The following MYRIP variants were observed in gnomAD, a reference collection of about 807,000 sequenced individuals.
MYRIP encodes the protein myosin VIIA and Rab interacting protein.
Under a neutral mutation model 98.0 loss-of-function variants are expected in MYRIP, and 49 were observed. That is an observed-to-expected ratio of 0.50 (90% CI 0.40 to 0.63). The LOEUF (loss-of-function observed/expected upper bound fraction) is 0.63, where lower values mean the gene tolerates loss of function less well. Among genes scored for constraint, MYRIP ranks in the 30% least tolerant of loss-of-function variants. MYRIP has a pLI of 0.00. For synonymous variants in MYRIP, 404 were observed against 409.5 expected (o/e 0.99, Z 0.16); for missense variants, 1,004 against 1,058.2 (o/e 0.95, Z 0.71).
At chr3:39,918,050 C>A (rs1329380262) in intron 2 of MYRIP, among the ~76,000 whole-genome samples, 1 of 152,016 alleles carries the variant, frequency 6.6e-6, no homozygotes, top group Non-Finnish European at 1.5e-5. Flanking sequence ...CCTCAGCCTC[C>A]GGAGTAGCTG....
At chr3:39,848,119 G>C (rs950700321) in intron 1 of MYRIP, among the ~76,000 whole-genome samples, 1 of 152,224 alleles carries the variant, frequency 6.6e-6, no homozygotes, top group Non-Finnish European at 1.5e-5. Context: ...ACGCCAGACT[G>C]TGAGTCCCAG....
Position 39,866,322 on chromosome 3 carries a change from C to T in MYRIP, c.-30-34465C>T, listed in dbSNP as rs373386849. Among the ~76,000 whole-genome samples, 20 of 152,080 alleles carry T rather than the reference C, an allele frequency of 1.3e-4. No homozygotes were observed. In the East Asian group the frequency reaches 3.3e-3, roughly 25 times the overall value. ...TGTATAACAAACCTACATATATACC[C>T]CTGAACCTAAAATAAAAGTTAAAAA... On this transcript the variant is annotated intron_variant, in intron 1 of 16. Coordinates refer to ENST00000302541, the MANE Select transcript of MYRIP (RefSeq NM_015460.4).
chr3:40,156,184 G>A (rs1380872652), intron 4 of MYRIP, among the ~76,000 whole-genome samples: 1 of 151,708 alleles, frequency 6.6e-6, no homozygotes. Flanking sequence ...GTGTAAGGAA[G>A]GGATCCAGTT....
At chr3:40,246,699 C>A (rs73071706) in intron 13 of MYRIP, among the ~76,000 whole-genome samples, 48,588 of 151,940 alleles carry the variant, frequency 0.32, 8,301 homozygotes, top group East Asian at 0.59. Context: ...AAACTTCTCC[C>A]TTTTGGCATA....
chr3:40,148,685 A>G (rs978205820), intron 3 of MYRIP, among the ~76,000 whole-genome samples: 1 of 152,178 alleles, frequency 6.6e-6, no homozygotes, highest in African/African-American at 2.4e-5. Flanking sequence ...ATTACTTTCA[A>G]TATCCTGAGT....
intron 2 of MYRIP, among the ~76,000 whole-genome samples, chr3:39,967,732 C>A (rs938268264): frequency 1.3e-5 from 2 of 152,162 alleles, no homozygotes; most frequent in Non-Finnish European, 2.9e-5. Flanking sequence ...TCCCTGCAAC[C>A]TTGCCAGCAT....
chr3:39,863,325 T>G (rs1160080372), intron 1 of MYRIP, among the ~76,000 whole-genome samples: 1 of 149,634 alleles, frequency 6.7e-6, no homozygotes, highest in Non-Finnish European at 1.5e-5. Flanking sequence ...TAAAGGAATT[T>G]GAGATATGAA....
chr3:39,893,988 AAT>A (rs1943547090), intron 1 of MYRIP, among the ~76,000 whole-genome samples: 1 of 152,142 alleles, frequency 6.6e-6, no homozygotes, highest in Admixed American at 6.5e-5. Flanking sequence ...TTATTCAAAT[AAT>A]GTTTATTTTA....
intron 2 of MYRIP, among the ~76,000 whole-genome samples, chr3:40,034,453 C>T (rs2125822119): frequency 6.6e-6 from 1 of 152,052 alleles, no homozygotes; most frequent in African/African-American, 2.4e-5. Flanking sequence ...ATTTATGCAG[C>T]CAAAAGACAC....
At chr3:40,038,275 T>C (rs1947428381) in intron 2 of MYRIP, among the ~76,000 whole-genome samples, 1 of 152,140 alleles carries the variant, frequency 6.6e-6, no homozygotes, top group Non-Finnish European at 1.5e-5. Flanking sequence ...GAGAGTTTTA[T>C]AGCCTTAAAT....
chr3:40,065,890 G>T (rs1049485758), intron 3 of MYRIP, among the ~76,000 whole-genome samples: 1 of 152,144 alleles, frequency 6.6e-6, no homozygotes, highest in African/African-American at 2.4e-5. Context: ...CAAATGTGGA[G>T]TTGAAGTCTC....
chr3:39,942,833 G>A (rs750969465), intron 2 of MYRIP, among the ~76,000 whole-genome samples: 1 of 151,824 alleles, frequency 6.6e-6, no homozygotes, highest in Non-Finnish European at 1.5e-5. Flanking sequence ...TCCCAGCTCT[G>A]GTAATTACCA....
At chr3:40,084,136 C>CAAAAAAAAAAA (rs753167019) in intron 3 of MYRIP, among the ~76,000 whole-genome samples, 1 of 55,074 alleles carries the variant, frequency 1.8e-5, no homozygotes, top group African/African-American at 8.0e-5. Flanking sequence ...GACTCCATCT[C>CAAAAAAAAAAA]AAAAAAAAAA....
chr3:40,148,138 A>AT (rs1015454726), intron 3 of MYRIP, among the ~76,000 whole-genome samples: 2 of 152,188 alleles, frequency 1.3e-5, no homozygotes, highest in Non-Finnish European at 2.9e-5. Context: ...TTGATTACAA[A>AT]TTTTAGCATC....
chr3:40,145,380 A>G (rs1388098051), intron 3 of MYRIP, among the ~76,000 whole-genome samples: 1 of 152,214 alleles, frequency 6.6e-6, no homozygotes, highest in East Asian at 1.9e-4. Context: ...CATTCGGTAT[A>G]TTGTGTTTGA....
intron 2 of MYRIP, among the ~76,000 whole-genome samples, chr3:39,917,836 T>C (rs1285309007): frequency 6.6e-6 from 1 of 152,174 alleles, no homozygotes; most frequent in African/African-American, 2.4e-5. Context: ...AGCCTTATAT[T>C]AAAAAGTATT....
chr3:39,995,813 G>A (rs889467136), intron 2 of MYRIP, among the ~76,000 whole-genome samples: 4 of 152,176 alleles, frequency 2.6e-5, no homozygotes, highest in African/African-American at 9.7e-5. Flanking sequence ...ACAAAGGGAA[G>A]CCCATCAGAC....
chr3:39,888,700 A>G (rs1213259782), intron 1 of MYRIP, among the ~76,000 whole-genome samples: 28 of 151,974 alleles, frequency 1.8e-4, no homozygotes, highest in Non-Finnish European at 3.1e-4. Context: ...AAACTAAAGA[A>G]CTTCTGCACA....
chr3:40,055,868 G>T (rs1947875933), intron 3 of MYRIP, among the ~76,000 whole-genome samples: 1 of 152,062 alleles, frequency 6.6e-6, no homozygotes, highest in African/African-American at 2.4e-5. Context: ...ATTTTAACAC[G>T]AGCTGGAGGT....
Sources: gnomAD v4.1 joint callset for allele counts (sites outside exome capture counted in the v4.1 genomes callset) on GRCh38, gnomAD v4.1.1 for gene constraint, MANE v1.5 for transcripts, NCBI Gene and HGNC (gene_info 2026-07-23, HGNC 2026-07-21) for gene names.